Variants in TUSC3 observed in about 807,000 individuals in gnomAD.
TUSC3 encodes tumor suppressor candidate 3.
TUSC3 carries 45 observed loss-of-function variants against 44.8 expected under a neutral mutation model. The ratio of observed to expected loss-of-function variants is 1.00; its 90% confidence interval spans 0.79 to 1.29. TUSC3 has a LOEUF of 1.29. TUSC3 is among the 50% of genes most tolerant of loss of function. The pLI is 0.00. For missense variants in TUSC3, 519 were observed against 437.9 expected, an observed-to-expected ratio of 1.19 and a Z score of -1.65; for synonymous variants, 212 against 152.9, an observed-to-expected ratio of 1.39 and a Z score of -2.85.
the TUSC3 span, among the ~76,000 whole-genome samples, chr8:15,813,257 A>T: frequency 2.0e-5 from 3 of 152,306 alleles, no homozygotes; most frequent in South Asian, 6.2e-4. Flanking sequence ...AACTAGACTG[A>T]TTAAAATGTT....
chr8:15,833,311 A>G, the TUSC3 span, among the ~76,000 whole-genome samples: 27 of 152,318 alleles, frequency 1.8e-4, no homozygotes, highest in African/African-American at 6.3e-4. Flanking sequence ...CAATTCCTCA[A>G]AGACCTAAAG....
intron 2 of TUSC3, among the ~76,000 whole-genome samples, chr8:15,485,464 C>CTTT (rs11372919): frequency 0.041 from 5,497 of 134,984 alleles, 200 homozygotes; most frequent in African/African-American, 0.048. Flanking sequence ...ACTCTGTTGT[C>CTTT]TTTTTTTTTT....
chr8:15,497,241 T>C (rs1800894728), intron 2 of TUSC3, among the ~76,000 whole-genome samples: 1 of 152,168 alleles, frequency 6.6e-6, no homozygotes, highest in African/African-American at 2.4e-5. Flanking sequence ...TTTAGAGTGT[T>C]AGCGTCTGCT....
At chr8:15,638,547 A>G (rs1354546299) in intron 2 of TUSC3, among the ~76,000 whole-genome samples, 1 of 115,218 alleles carries the variant, frequency 8.7e-6, no homozygotes, top group Admixed American at 1.2e-4. Context: ...TTTGGAGACA[A>G]GAGTCTCACT....
At chr8:15,532,777 T>A (rs1274515265) in intron 2 of TUSC3, among the ~76,000 whole-genome samples, 3 of 152,224 alleles carry the variant, frequency 2.0e-5, no homozygotes, top group Non-Finnish European at 4.4e-5. Context: ...GTTCTCATGA[T>A]AATGAATAAG....
intron 1 of TUSC3, among the ~76,000 whole-genome samples, chr8:15,441,554 A>G (rs187115140): frequency 6.6e-6 from 1 of 152,232 alleles, no homozygotes. Flanking sequence ...GCTCATAGAC[A>G]TGGAGAATTG....
intron 6 of TUSC3, among the ~76,000 whole-genome samples, chr8:15,676,539 C>T (rs1307269857): frequency 6.6e-6 from 1 of 152,090 alleles, no homozygotes; most frequent in Admixed American, 6.6e-5. Flanking sequence ...TCCATAAATG[C>T]TTTGCCAAGG....
Position 15,764,253 on chromosome 8 carries a change from C to A in TUSC3, c.*97C>A. The A allele has an allele frequency of 1.3e-6, 2 of 1,599,846 alleles. No individual in the cohort carries two copies. The highest frequency in any genetic ancestry group is 1.1e-5 in the South Asian group (1 of 90,482). ...GGATTTGCATAAAGTGAATGTTTAC[C>A]ATGAAGATAAACTGTTCCTGACTTT... On this transcript the variant is annotated 3_prime_UTR_variant, in exon 11 of 11. Transcript: ENST00000503731.
chr8:15,633,478 C>T (rs760626048), intron 2 of TUSC3, among the ~76,000 whole-genome samples: 1 of 152,122 alleles, frequency 6.6e-6, no homozygotes, highest in African/African-American at 2.4e-5. Context: ...ACTGTGGCCT[C>T]ATTTGGAAAT....
At chr8:15,458,335 C>G (rs116845705) in intron 1 of TUSC3, among the ~76,000 whole-genome samples, 7,515 of 152,138 alleles carry the variant, frequency 0.049, 252 homozygotes, top group South Asian at 0.11. Context: ...ACCTCTCAGG[C>G]TCAAACAATC....
At chr8:15,582,237 C>T (rs952337289) in intron 1 of TUSC3, among the ~76,000 whole-genome samples, 1 of 152,164 alleles carries the variant, frequency 6.6e-6, no homozygotes, top group Non-Finnish European at 1.5e-5. Flanking sequence ...AAACCTGGTA[C>T]CTCAGATGGA....
chr8:15,718,375 T>C (rs573286194), intron 6 of TUSC3, among the ~76,000 whole-genome samples: 3 of 152,252 alleles, frequency 2.0e-5, no homozygotes, highest in Non-Finnish European at 4.4e-5. Flanking sequence ...TATTGATAGA[T>C]GCATAGAGTG....
intron 7 of TUSC3, among the ~76,000 whole-genome samples, chr8:15,741,905 CA>C (rs1811215304): frequency 1.3e-5 from 2 of 152,068 alleles, no homozygotes; most frequent in Admixed American, 6.6e-5. Context: ...GAGTTTTAAG[CA>C]GTAGAAATCT....
At chr8:15,793,424 T>A in the TUSC3 span, among the ~76,000 whole-genome samples, 1 of 151,840 alleles carries the variant, frequency 6.6e-6, no homozygotes, top group Non-Finnish European at 1.5e-5. Flanking sequence ...CCTTTGCACT[T>A]CTTATTTCTT....
intron 1 of TUSC3, among the ~76,000 whole-genome samples, chr8:15,549,184 T>A (rs1801969559): frequency 6.6e-6 from 1 of 151,826 alleles, no homozygotes; most frequent in Non-Finnish European, 1.5e-5. Context: ...TTATTTTATT[T>A]TATTTTTTGA....
chr8:15,742,738 T>C (rs1811247087), intron 7 of TUSC3, among the ~76,000 whole-genome samples: 2 of 152,236 alleles, frequency 1.3e-5, no homozygotes, highest in African/African-American at 4.8e-5. Context: ...CAATTTTTAG[T>C]CCATTAATCG....
At chr8:15,494,340 CAG>C (rs1439325440) in intron 2 of TUSC3, among the ~76,000 whole-genome samples, 1 of 126,716 alleles carries the variant, frequency 7.9e-6, no homozygotes, top group African/African-American at 2.7e-5. Context: ...TTTTTTGAGA[CAG>C]AGTCTCGCTC....
the TUSC3 span, among the ~76,000 whole-genome samples, chr8:15,778,381 G>A: frequency 1.3e-5 from 2 of 152,030 alleles, no homozygotes; most frequent in Non-Finnish European, 2.9e-5. Context: ...GAAATCTCTG[G>A]GCTCTTAATA....
chr8:15,476,983 G>C (rs527432380), intron 1 of TUSC3, among the ~76,000 whole-genome samples: 1 of 152,196 alleles, frequency 6.6e-6, no homozygotes, highest in South Asian at 2.1e-4. Context: ...CTATGCACAC[G>C]AAGAGTTGGA....
Sources: gnomAD v4.1 joint callset for allele counts (sites outside exome capture counted in the v4.1 genomes callset) on GRCh38, gnomAD v4.1.1 for gene constraint, MANE v1.5 for transcripts, NCBI Gene and HGNC (gene_info 2026-07-23, HGNC 2026-07-21) for gene names.